Variants in CD247 observed in about 807,000 individuals in gnomAD.
CD247 encodes T-cell surface glycoprotein CD3 zeta chain.
In CD247, 13 loss-of-function variants were observed where a neutral mutation model predicts 30.0. The observed-to-expected ratio is 0.43, with a 90% CI of 0.28 to 0.69. The LOEUF (loss-of-function observed/expected upper bound fraction) is 0.69, where lower values mean the gene tolerates loss of function less well. Among genes scored for constraint, CD247 ranks in the 30% least tolerant of loss-of-function variants. The pLI, the probability that CD247 is intolerant of heterozygous loss-of-function variation, is 0.16. For synonymous variants in CD247, 72 were observed against 80.0 expected (o/e 0.90, Z 0.53); for missense variants, 193 against 212.6 (o/e 0.91, Z 0.57).
At chr1:167,460,654 T>C (rs552080933) in intron 1 of CD247, among the ~76,000 whole-genome samples, 4 of 152,184 alleles carry the variant, frequency 2.6e-5, no homozygotes, top group Non-Finnish European at 5.9e-5. Context: ...GTTTGTTACA[T>C]AGGTATACAT....
chr1:167,510,680 CA>C (rs1473696889), intron 1 of CD247, among the ~76,000 whole-genome samples: 1 of 152,174 alleles, frequency 6.6e-6, no homozygotes, highest in East Asian at 1.9e-4. Flanking sequence ...GTCTTGGAGC[CA>C]GTACAATTTT....
intron 1 of CD247, among the ~76,000 whole-genome samples, chr1:167,456,777 G>T (rs1003419293): frequency 1.3e-5 from 2 of 152,216 alleles, no homozygotes; most frequent in African/African-American, 4.8e-5. Context: ...TGTAGACACA[G>T]AACCCAACAG....
chr1:167,458,198 GA>G (rs1214037480), intron 1 of CD247, among the ~76,000 whole-genome samples: 3 of 152,238 alleles, frequency 2.0e-5, no homozygotes, highest in African/African-American at 7.2e-5. Context: ...GTCATCAGGA[GA>G]AAGCTACTTA....
intron 1 of CD247, among the ~76,000 whole-genome samples, chr1:167,501,671 C>A (rs534054998): frequency 6.6e-6 from 1 of 152,328 alleles, no homozygotes; most frequent in South Asian, 2.1e-4. Context: ...AGAACTGGAG[C>A]CACCCACCCC....
At chr1:167,438,685 G>A (rs372075544) in intron 3 of CD247, 35 bp from the exon 4 acceptor site, 4 of 1,544,886 alleles carry the variant, frequency 2.6e-6, no homozygotes, top group Non-Finnish European at 3.6e-6. Flanking sequence ...ACACAGGACG[G>A]AGGAACCTCA....
chr1:167,447,975 T>A (rs898554649), intron 1 of CD247, among the ~76,000 whole-genome samples: 1 of 77,924 alleles, frequency 1.3e-5, no homozygotes, highest in Non-Finnish European at 2.6e-5. Flanking sequence ...GGTGGGGGGG[T>A]GGGGGCGGTG....
intron 1 of CD247, among the ~76,000 whole-genome samples, chr1:167,495,229 A>G (rs35506338): frequency 0.035 from 5,371 of 152,180 alleles, 171 homozygotes; most frequent in East Asian, 0.13. Context: ...ATGTTACATA[A>G]CCTCTCTAAG....
At chr1:167,485,551 C>T (rs553534794) in intron 1 of CD247, among the ~76,000 whole-genome samples, 1 of 152,136 alleles carries the variant, frequency 6.6e-6, no homozygotes, top group Non-Finnish European at 1.5e-5. Context: ...CACACACCTG[C>T]CTTTCCTGAA....
chr1:167,434,894 G>A (rs764498182), intron 5 of CD247: 30 of 466,508 alleles, frequency 6.4e-5, no homozygotes, highest in African/African-American at 2.6e-4. Flanking sequence ...AGGAGCAACC[G>A]CCTTCCTCTG....
rs546357783 is a variant in CD247, at chr1:167,484,136, C to T, written c.58+34272G>A. Reference sequence around the variant, plus strand: ...GTGAGATCACAGCTCTCTCAAGCCTCATTCCTCGTGCCCCACACAGGCAGA... The same window carrying T: ...GTGAGATCACAGCTCTCTCAAGCCTTATTCCTCGTGCCCCACACAGGCAGA... On this transcript the variant is annotated intron_variant, in intron 1 of 7. Coordinates refer to ENST00000362089, the MANE Select transcript of CD247 (RefSeq NM_198053.3). Among the ~76,000 whole-genome samples, 70 of 152,346 alleles carry T rather than the reference C, an allele frequency of 4.6e-4. 1 individual carries two copies. Among genetic ancestry groups the T allele is most frequent in the Non-Finnish European group, 8.4e-4 (57 of 68,034 alleles).
intron 1 of CD247, among the ~76,000 whole-genome samples, chr1:167,510,267 C>T (rs1182676137): frequency 2.0e-5 from 3 of 152,198 alleles, no homozygotes; most frequent in African/African-American, 4.8e-5. Context: ...GCATACAGTG[C>T]ACCACACACA....
chr1:167,504,525 C>T (rs1655038899), intron 1 of CD247, among the ~76,000 whole-genome samples: 2 of 152,194 alleles, frequency 1.3e-5, no homozygotes, highest in South Asian at 4.1e-4. Context: ...TTGTTTTTCT[C>T]TCATTGGTTT....
intron 1 of CD247, among the ~76,000 whole-genome samples, chr1:167,449,663 C>T (rs1652262291): frequency 6.6e-6 from 1 of 152,146 alleles, no homozygotes; most frequent in Non-Finnish European, 1.5e-5. Flanking sequence ...TGGCTCACGC[C>T]TGTAATCCCA....
intron 1 of CD247, among the ~76,000 whole-genome samples, chr1:167,466,423 T>A (rs12063588): frequency 0.15 from 22,299 of 151,774 alleles, 1,888 homozygotes; most frequent in African/African-American, 0.24. Context: ...TTTTTTTTTT[T>A]AAATATTAGA....
intron 1 of CD247, among the ~76,000 whole-genome samples, chr1:167,508,775 A>G (rs1463400237): frequency 1.3e-5 from 2 of 152,226 alleles, no homozygotes; most frequent in South Asian, 2.1e-4. Flanking sequence ...GGAAATTAGC[A>G]CAGGCCCCAC....
At chr1:167,483,993 T>A (rs945088210) in intron 1 of CD247, among the ~76,000 whole-genome samples, 3 of 152,198 alleles carry the variant, frequency 2.0e-5, no homozygotes, top group Admixed American at 6.5e-5. Flanking sequence ...CCACAGCAAG[T>A]GTCCCACTGC....
At chr1:167,514,482 G>A (rs1274827406) in intron 1 of CD247, among the ~76,000 whole-genome samples, 1 of 152,182 alleles carries the variant, frequency 6.6e-6, no homozygotes, top group African/African-American at 2.4e-5. Flanking sequence ...GTAGAGCTGT[G>A]AGCGTGACAG....
intron 1 of CD247, among the ~76,000 whole-genome samples, chr1:167,444,480 A>G (rs1024780298): frequency 3.3e-5 from 5 of 152,162 alleles, no homozygotes; most frequent in African/African-American, 1.2e-4. Flanking sequence ...TGTTTTATTT[A>G]ATGTTCCTGA....
chr1:167,437,989 A>C (rs1651626337), intron 4 of CD247, among the ~76,000 whole-genome samples: 1 of 151,980 alleles, frequency 6.6e-6, no homozygotes, highest in Admixed American at 6.6e-5. Context: ...ATGTAGAACT[A>C]TAATTTGTCA....
Sources: gnomAD v4.1 joint callset for allele counts (sites outside exome capture counted in the v4.1 genomes callset) on GRCh38, gnomAD v4.1.1 for gene constraint, MANE v1.5 for transcripts, NCBI Gene and HGNC (gene_info 2026-07-23, HGNC 2026-07-21) for gene names.